The following SI variants were observed in gnomAD, a reference collection of about 807,000 sequenced individuals.
SI encodes sucrase-isomaltase, also known as sucrase-isomaltase, intestinal.
Under a neutral mutation model 253.3 loss-of-function variants are expected in SI, and 235 were observed. The ratio of observed to expected loss-of-function variants is 0.93; its 90% CI spans 0.83 to 1.03. SI has a LOEUF of 1.03. Ranked by LOEUF, SI falls within the 50% of genes least tolerant of loss-of-function variation. SI has a pLI of 0.00. For missense variants in SI, 2,442 were observed against 2,211.1 expected (o/e 1.10, Z -2.09); for synonymous variants, 819 against 712.0 (o/e 1.15, Z -2.39).
intron 13 of SI, 73 bp from the exon 14 acceptor site, chr3:165,049,948 G>T: frequency 1.1e-6 from 1 of 917,760 alleles, no homozygotes; most frequent in South Asian, 1.3e-5. Flanking sequence ...CTCTCTAGTT[G>T]TTTGAAAATG....
At chr3:164,998,945 A>T (rs930346825) in intron 37 of SI, among the ~76,000 whole-genome samples, 1 of 151,828 alleles carries the variant, frequency 6.6e-6, no homozygotes, top group Non-Finnish European at 1.5e-5. Flanking sequence ...AGTTAAATCA[A>T]CTATTAATTG....
chr3:165,009,619 G>A lies in SI; in HGVS notation c.4063-224C>T, dbSNP rs577048648. ...ATAGAGCCATTTTGGAATCCTATGT[G>A]AATTATAAAGGAACAGTTCACAACC... On this transcript the variant is annotated intron_variant, in intron 34 of 47. Transcript: ENST00000264382. Among the ~76,000 whole-genome samples the A allele has an allele frequency of 1.4e-4, 21 of 152,178 alleles. No individual in the cohort carries two copies. In the South Asian group the frequency reaches 4.2e-3, roughly 30 times the overall value.
In SI at chr3:165,068,815, T is replaced by A. The variant is rs1471839282; in HGVS notation, c.390A>T (p.Leu130Phe). ...ATAGTGTAGGTGAAGGTATCCTGTT[T>A]AATTTGGCTTCAACTCCTTAAAGAA... ...TTTSIGVEAK[L>F]NRIPSPTLFG... is the part of the protein sequence containing the mutation. The change falls in exon 5 of 48, where the codon TTA becomes TTT. Residue 130 changes from leucine (L) to phenylalanine (F), a missense_variant. By Grantham distance (22) the Leu-to-Phe change is conservative. Coordinates refer to ENST00000264382, the MANE Select transcript of SI (RefSeq NM_001041.4). 3.7e-6 allele frequency: 6 copies of A among 1,600,916 alleles called. No homozygotes were observed. The highest frequency in any genetic ancestry group is 5.1e-6 in the Non-Finnish European group (6 of 1,175,662).
intron 27 of SI, among the ~76,000 whole-genome samples, chr3:165,020,263 C>A (rs2108181077): frequency 6.6e-6 from 1 of 151,356 alleles, no homozygotes; most frequent in Non-Finnish European, 1.5e-5. Flanking sequence ...GTTTTTCTTC[C>A]TTTATTTTAT....
At chr3:165,076,740 T>G (rs1035556776) in intron 1 of SI, among the ~76,000 whole-genome samples, 1 of 151,702 alleles carries the variant, frequency 6.6e-6, no homozygotes, top group Non-Finnish European at 1.5e-5. Context: ...AGGTAGCATA[T>G]GGAAGATACC....
chr3:165,032,600 A>G lies in SI; in HGVS notation c.2658T>C (p.Ser886=). The change falls in exon 24 of 48, where the codon AGT becomes AGC. Residue 886 remains serine, a synonymous_variant. Coordinates refer to ENST00000264382, the MANE Select transcript of SI (RefSeq NM_001041.4). ...TTTCCGCCACTCTAACTTCTGTAAC[A>G]CTGTCTGTCAACCCAAGGATTTTTA... ...QTVKILGLTD[S]VTEVRVAENN... 1 of 1,609,056 alleles carries G rather than the reference A, an allele frequency of 6.2e-7. No individual in the cohort carries two copies. Among genetic ancestry groups the G allele is most frequent in the South Asian group, 1.1e-5 (1 of 90,938 alleles).
In SI at chr3:165,014,341, C is replaced by G. The variant is rs1450530953; in HGVS notation, c.3999+782G>C. 2.0e-5 allele frequency among the ~76,000 whole-genome samples: 3 copies of G among 151,986 alleles called. No individual in the cohort carries two copies. In the South Asian group the frequency reaches 6.2e-4, roughly 32 times the overall value. The stretch of plus-strand genomic sequence containing the variant: ...TTGGCTCACTGCAAGCTCCGCCTCC[C>G]GGGTTCACTCCATTCTCTTGCCTCA... On this transcript the variant is annotated intron_variant, in intron 33 of 47. Coordinates refer to ENST00000264382, the MANE Select transcript of SI (RefSeq NM_001041.4).
chr3:165,003,117 T>C (rs1470739013), intron 37 of SI, among the ~76,000 whole-genome samples: 1 of 151,864 alleles, frequency 6.6e-6, no homozygotes, highest in African/African-American at 2.4e-5. Flanking sequence ...CCTGTGATTA[T>C]AACAGGATAA....
rs1382587818 is a variant in SI, at chr3:164,998,575, T to C, written c.4505A>G (p.Tyr1502Cys). 29 of 1,612,164 alleles carry C rather than the reference T, an allele frequency of 1.8e-5. No homozygotes were observed. Among genetic ancestry groups the C allele is most frequent in the African/African-American group, 2.7e-5 (2 of 74,808 alleles). Residue 1502 changes from tyrosine (Y) to cysteine (C), a missense_variant, in exon 38 of 48, where the codon TAT (tyrosine) becomes TGT (cysteine). By Grantham distance (194) the Tyr-to-Cys change is radical (BLOSUM62 -2). Transcript: ENST00000264382. ...TTTGTCCATGTTGTCCCATCGTGCA[T>C]AGTTGTCTCCAAGCCAGTGTCCTCC... ...RWGGHWLGDN[Y>C]ARWDNMDKSI... is the part of the protein sequence containing the mutation.
In SI at chr3:165,006,940, T is replaced by C; in HGVS notation, c.4282A>G (p.Thr1428Ala). 6.2e-7 allele frequency: 1 copy of C among 1,610,412 alleles called. No homozygotes were observed. The highest frequency in any genetic ancestry group is 8.5e-7 in the Non-Finnish European group (1 of 1,177,154). ...ATTGTTCTGAAATGTAATCCATCAG[T>C]TCTTTTTGTGAGTTCTGGAAAGAAT... ...PPYFPELTKR[T>A]DGLHFRTICM... The change falls in exon 37 of 48, where the codon ACT (threonine) becomes GCT (alanine). Residue 1428 changes from threonine (T) to alanine (A), a missense_variant. By Grantham distance (58) the Thr-to-Ala change is moderately conservative. Coordinates refer to ENST00000264382, the MANE Select transcript of SI (RefSeq NM_001041.4).
chr3:165,066,572 T>A (rs1046492641), intron 6 of SI, among the ~76,000 whole-genome samples: 24 of 151,890 alleles, frequency 1.6e-4, no homozygotes, highest in African/African-American at 5.3e-4. Flanking sequence ...TTGACCAACA[T>A]CTCCCCCATT....
Position 165,048,954 on chromosome 3 carries a change from G to T in SI, c.1715+173C>A, listed in dbSNP as rs142554206. On this transcript the variant is annotated intron_variant, in intron 15 of 47. Transcript: ENST00000264382. ...CTTAATAAATGAGTCCCAAATTCAT[G>T]AATATTAGTAAGAGAACTGATATTT... 4.6e-5 allele frequency among the ~76,000 whole-genome samples: 7 copies of T among 152,074 alleles called. No individual in the cohort carries two copies. In the East Asian group the frequency reaches 1.4e-3, roughly 29 times the overall value.
chr3:165,028,305 G>A (rs549576425), intron 25 of SI, among the ~76,000 whole-genome samples: 44 of 150,894 alleles, frequency 2.9e-4, no homozygotes, highest in Non-Finnish European at 5.5e-4. Flanking sequence ...TGACACAGAC[G>A]GAAACACATC....
chr3:165,068,464 C>T (rs189501331), intron 5 of SI, among the ~76,000 whole-genome samples: 10 of 152,242 alleles, frequency 6.6e-5, no homozygotes, highest in Admixed American at 5.2e-4. Context: ...AGCCCCAACT[C>T]CCGGGTTCTC....
At chr3:164,992,079 G>A (rs1576871213) in intron 43 of SI, 98 bp downstream of exon 43, 2 of 1,002,992 alleles carry the variant, frequency 2.0e-6, no homozygotes, top group East Asian at 2.4e-5. Flanking sequence ...CTCTTTTTAA[G>A]TGGAAAGTAA....
At chr3:165,081,494 A>C (rs577580083), upstream of SI, among the ~76,000 whole-genome samples, 2 of 152,170 alleles carry the variant, frequency 1.3e-5, no homozygotes, top group East Asian at 3.9e-4. Flanking sequence ...CGTCTACAGT[A>C]GTTAAATCAT....
At chr3:164,991,035 A>C (rs1717708939) in intron 44 of SI, among the ~76,000 whole-genome samples, 1 of 152,152 alleles carries the variant, frequency 6.6e-6, no homozygotes, top group East Asian at 1.9e-4. Flanking sequence ...AGTCTTATTA[A>C]AGACAGGGTT....
In SI at chr3:165,021,179, C is replaced by A. The variant is rs747911346; in HGVS notation, c.3254+50G>T. ...CTGTTAATCATTTTACTTTTCCCTT[C>A]GTAAGCTAAAATTAAAATATCCTTT... On this transcript the variant is annotated intron_variant, in intron 27 of 47. Transcript: ENST00000264382. 3.3e-6 allele frequency: 5 copies of A among 1,533,756 alleles called. No homozygotes were observed. In the Admixed American group the frequency reaches 6.7e-5, roughly 21 times the overall value.
At chr3:165,050,849 C>G (rs1332575146) in intron 13 of SI, among the ~76,000 whole-genome samples, 1 of 151,976 alleles carries the variant, frequency 6.6e-6, no homozygotes, top group Non-Finnish European at 1.5e-5. Flanking sequence ...TGCTTTTCAG[C>G]TTCTTGAATC....
Sources: allele counts gnomAD v4.1 joint callset (sites outside exome capture counted in the v4.1 genomes callset), GRCh38; gene constraint gnomAD v4.1.1; transcripts MANE v1.5; gene names NCBI Gene and HGNC (gene_info 2026-07-23, HGNC 2026-07-21).